The following FIG4 variants were observed in gnomAD, a reference collection of about 807,000 sequenced individuals.
The protein encoded by FIG4 is FIG4 phosphoinositide 5-phosphatase.
FIG4 carries 112 observed loss-of-function variants against 118.6 expected under a neutral mutation model. The observed-to-expected ratio is 0.94, with a 90% confidence interval of 0.81 to 1.11. FIG4 has a LOEUF of 1.11. Ranked by LOEUF, FIG4 falls within the 50% of genes least tolerant of loss-of-function variation. FIG4 has a pLI of 0.00. For missense variants in FIG4, 969 were observed against 1,111.7 expected, an observed-to-expected ratio of 0.87 and a Z score of 1.83; for synonymous variants, 369 against 381.2, an observed-to-expected ratio of 0.97 and a Z score of 0.37.
intron 10 of FIG4, among the ~76,000 whole-genome samples, chr6:109,748,384 G>A (rs997080860): frequency 6.6e-5 from 10 of 152,264 alleles, no homozygotes; most frequent in African/African-American, 2.4e-4. Flanking sequence ...AGCCAAGTAA[G>A]GACAGGGCTT....
At chr6:109,753,507 G>T (rs930476439) in intron 10 of FIG4, among the ~76,000 whole-genome samples, 1 of 152,030 alleles carries the variant, frequency 6.6e-6, no homozygotes, top group South Asian at 2.1e-4. Context: ...GATGGGGATG[G>T]CATTGAATCT....
chr6:109,715,206 A>C (rs1470689756), intron 2 of FIG4, 30 bp downstream of exon 2: 18 of 1,113,678 alleles, frequency 1.6e-5, no homozygotes, highest in Non-Finnish European at 2.5e-5. Context: ...GACTGCAAAA[A>C]AACTTTCATA....
In FIG4 at chr6:109,819,798, G is replaced by A. The variant is rs1441538903; in HGVS notation, c.2547-5290G>A. On this transcript the variant is annotated intron_variant, in intron 22 of 22. Transcript: ENST00000230124. ...GTTAACAATAGTTCACCTTTACTGAGCACTCAGGCACTATGCTATACATAT... is the reference window on the plus strand; with the variant it reads ...GTTAACAATAGTTCACCTTTACTGAACACTCAGGCACTATGCTATACATAT... Among the ~76,000 whole-genome samples, 3 of 152,242 alleles carry A rather than the reference G, an allele frequency of 2.0e-5. No homozygotes were observed. In the East Asian group the frequency reaches 5.8e-4, roughly 29 times the overall value.
At chr6:109,798,809 T>C (rs185778672) in intron 22 of FIG4, among the ~76,000 whole-genome samples, 3 of 150,896 alleles carry the variant, frequency 2.0e-5, no homozygotes, top group African/African-American at 7.5e-5. Flanking sequence ...TTTTTTCTTT[T>C]TTTCCTCTTT....
At chr6:109,784,944 C>T in intron 16 of FIG4, 26 bp from the exon 17 acceptor site, 2 of 1,289,400 alleles carry the variant, frequency 1.6e-6, no homozygotes, top group Non-Finnish European at 2.2e-6. Context: ...TTTGGTTCAT[C>T]TTTTTTTTTA....
At chr6:109,703,904 C>T (rs565449198) in intron 1 of FIG4, among the ~76,000 whole-genome samples, 3 of 152,302 alleles carry the variant, frequency 2.0e-5, no homozygotes, top group South Asian at 2.1e-4. Flanking sequence ...GTTCCTTCTC[C>T]GTATCCAGCC....
chr6:109,721,806 AT>A (rs1775619660), intron 3 of FIG4, among the ~76,000 whole-genome samples: 1 of 152,204 alleles, frequency 6.6e-6, no homozygotes, highest in Non-Finnish European at 1.5e-5. Context: ...TACTGAAGCC[AT>A]TTGTGCTGGA....
At chr6:109,732,802 G>A (rs1776046985) in intron 5 of FIG4, 115 bp downstream of exon 5, 1 of 644,684 alleles carries the variant, frequency 1.6e-6, no homozygotes, top group African/African-American at 1.9e-5. Flanking sequence ...TAGTCAACTT[G>A]TTTTATCTAA....
chr6:109,770,791 A>G (rs1777435268), intron 15 of FIG4, among the ~76,000 whole-genome samples: 2 of 152,306 alleles, frequency 1.3e-5, no homozygotes, highest in South Asian at 2.1e-4. Context: ...GCCAGACTCC[A>G]TCTCCAAAAT....
At chr6:109,745,348 A>G (rs982730947) in intron 10 of FIG4, among the ~76,000 whole-genome samples, 1 of 152,130 alleles carries the variant, frequency 6.6e-6, no homozygotes, top group African/African-American at 2.4e-5. Context: ...CTGGCATGAG[A>G]TGGTATCTCA....
chr6:109,743,084 A>G, intron 8 of FIG4, 26 bp from the exon 9 acceptor site: 2 of 1,594,580 alleles, frequency 1.3e-6, no homozygotes, highest in Non-Finnish European at 1.7e-6. Flanking sequence ...AACATAAAAT[A>G]TTTTTCAATG....
intron 13 of FIG4, 78 bp downstream of exon 13, chr6:109,764,060 G>C: frequency 1.1e-6 from 1 of 910,088 alleles, no homozygotes; most frequent in Non-Finnish European, 1.8e-6. Context: ...AGCAATCATG[G>C]AAAGACCTGT....
chr6:109,783,252 A>G (rs1007761751), intron 16 of FIG4, among the ~76,000 whole-genome samples: 21 of 152,372 alleles, frequency 1.4e-4, no homozygotes, highest in African/African-American at 4.8e-4. Flanking sequence ...CGTTCCGCAC[A>G]TGTACCCCTG....
intron 11 of FIG4, among the ~76,000 whole-genome samples, chr6:109,761,085 G>A (rs920435614): frequency 1.3e-4 from 19 of 151,996 alleles, no homozygotes; most frequent in Non-Finnish European, 2.4e-4. Context: ...TTACTATATC[G>A]TTTTGTACTT....
intron 22 of FIG4, among the ~76,000 whole-genome samples, chr6:109,802,836 G>A (rs1338126149): frequency 9.9e-5 from 15 of 152,228 alleles, no homozygotes; most frequent in Admixed American, 8.5e-4. Context: ...ATTGGGAGCT[G>A]GGATAAGCAT....
At chr6:109,792,698 T>G (rs1375202557) in intron 21 of FIG4, 34 bp downstream of exon 21, 1 of 1,187,706 alleles carries the variant, frequency 8.4e-7, no homozygotes, top group Non-Finnish European at 1.2e-6. Flanking sequence ...TAAAGAAAAA[T>G]GAATATTTAT....
intron 1 of FIG4, among the ~76,000 whole-genome samples, chr6:109,712,946 T>G (rs918855404): frequency 6.6e-6 from 1 of 152,170 alleles, no homozygotes; most frequent in African/African-American, 2.4e-5. Flanking sequence ...AGGGTTCGAT[T>G]GTGGGATCAG....
intron 22 of FIG4, among the ~76,000 whole-genome samples, chr6:109,814,338 C>T (rs1238142567): frequency 6.6e-6 from 1 of 151,908 alleles, no homozygotes; most frequent in East Asian, 1.9e-4. Flanking sequence ...ATGGGAGTCT[C>T]ACTATATTGC....
intron 7 of FIG4, 133 bp from the exon 8 acceptor site, chr6:109,741,311 T>C (rs1776316056): frequency 3.9e-6 from 3 of 763,900 alleles, no homozygotes; most frequent in Non-Finnish European, 7.2e-6. Flanking sequence ...TGCTGTTCCA[T>C]TCTTGGGTGG....
Sources: gnomAD v4.1 joint callset for allele counts (sites outside exome capture counted in the v4.1 genomes callset) on GRCh38, gnomAD v4.1.1 for gene constraint, MANE v1.5 for transcripts, NCBI Gene and HGNC (gene_info 2026-07-23, HGNC 2026-07-21) for gene names.